MARCOL: variants seen among roughly 807,000 people sequenced by gnomAD.
The protein encoded by MARCOL is MARCO-like protein.
intron 1 of MARCOL, among the ~76,000 whole-genome samples, chr5:148,238,990 G>T (rs1755935161): frequency 6.6e-6 from 1 of 152,048 alleles, no homozygotes. Flanking sequence ...TTTGTGATAT[G>T]ATCCTGGACT....
chr5:148,240,968 C>T (rs1342335213), intron 1 of MARCOL, among the ~76,000 whole-genome samples: 2 of 151,874 alleles, frequency 1.3e-5, no homozygotes, highest in Non-Finnish European at 2.9e-5. Context: ...ACTTATTTGC[C>T]CCACTACTAG....
intron 1 of MARCOL, among the ~76,000 whole-genome samples, chr5:148,241,551 A>G (rs1212243328): frequency 1.3e-5 from 2 of 150,444 alleles, no homozygotes; most frequent in Non-Finnish European, 3.0e-5. Flanking sequence ...AAGGAAAAGA[A>G]GCATAGCCCA....
chr5:148,239,257 T>C (rs936223749), intron 1 of MARCOL, among the ~76,000 whole-genome samples: 8 of 152,002 alleles, frequency 5.3e-5, no homozygotes, highest in Non-Finnish European at 2.9e-5. Flanking sequence ...TTTTCAGATA[T>C]GTAAATTTCT....
chr5:148,241,099 CT>C (rs1755959314), intron 1 of MARCOL, among the ~76,000 whole-genome samples: 1 of 151,646 alleles, frequency 6.6e-6, no homozygotes, highest in African/African-American at 2.4e-5. Context: ...GAATGAATGG[CT>C]AAGTTATACT....
In MARCOL at chr5:148,242,940, C is replaced by T; in HGVS notation, c.544C>T (p.Gln182Ter). Reference sequence around the variant, plus strand: ...ACACGGGAATCTAGGGTCATCAACCCAGAAAGGGAATTTAGGATCTTCTAG... The same window carrying T: ...ACACGGGAATCTAGGGTCATCAACCTAGAAAGGGAATTTAGGATCTTCTAG... ...SQHGNLGSST[Q>*]KGNLGSSSLQ... The change falls in exon 2 of 2, where the codon CAG becomes TAG. Residue 182 changes from glutamine to a stop codon, truncating the protein, a stop_gained. Coordinates refer to ENST00000638089, the MANE Select transcript of MARCOL (RefSeq NM_001363511.2). LOFTEE classifies it low-confidence loss of function (END_TRUNC). The T allele has an allele frequency of 2.5e-6, 1 of 398,896 alleles. No individual in the cohort carries two copies. The highest frequency in any genetic ancestry group is 2.1e-5 in the African/African-American group (1 of 48,646). The allele number at this position is 398,896 out of a possible 1,614,324, so 24.7% of individuals were successfully genotyped here. A position where few individuals can be genotyped will look rare whatever the true frequency, so the allele number is the denominator to read the frequency against.
chr5:148,243,564 C>A lies in MARCOL; in HGVS notation c.*310C>A. On this transcript the variant is annotated 3_prime_UTR_variant, in exon 2 of 2. Transcript: ENST00000638089. Reference sequence around the variant, plus strand: ...GAGAAAATTAAGGTCATTTTACAACCAACGACAAAGAAAAAATATTGACAG... The same window carrying A: ...GAGAAAATTAAGGTCATTTTACAACAAACGACAAAGAAAAAATATTGACAG... 4.7e-5 allele frequency: 13 copies of A among 275,154 alleles called. No homozygotes were observed. Among genetic ancestry groups the A allele is most frequent in the Non-Finnish European group, 6.7e-5 (10 of 148,502 alleles). The allele number at this position is 275,154 out of a possible 1,614,324, so 17.0% of individuals were successfully genotyped here.
At chr5:148,239,858 A>G (rs1319148999) in intron 1 of MARCOL, among the ~76,000 whole-genome samples, 1 of 151,928 alleles carries the variant, frequency 6.6e-6, no homozygotes, top group African/African-American at 2.4e-5. Context: ...AGTGTATTAT[A>G]TATGCAATGA....
intron 1 of MARCOL, among the ~76,000 whole-genome samples, chr5:148,241,336 A>G (rs1007402331): frequency 6.6e-6 from 1 of 151,944 alleles, no homozygotes; most frequent in African/African-American, 2.4e-5. Flanking sequence ...CTAAGTATAC[A>G]TCTGAAATAA....
At chr5:148,238,918 AT>A (rs1351134133) in intron 1 of MARCOL, among the ~76,000 whole-genome samples, 1 of 152,092 alleles carries the variant, frequency 6.6e-6, no homozygotes, top group Non-Finnish European at 1.5e-5. Flanking sequence ...GGAAAGATGA[AT>A]TTAGACTAAG....
At chr5:148,240,198 T>C (rs1385254766) in intron 1 of MARCOL, among the ~76,000 whole-genome samples, 2 of 151,866 alleles carry the variant, frequency 1.3e-5, no homozygotes, top group East Asian at 1.9e-4. Flanking sequence ...ACTGGCTAAA[T>C]AAATTATGAT....
At position 148,243,567 on chromosome 5, in the gene MARCOL, C is replaced by T. The variant is rs774568533; in HGVS notation, c.*313C>T. 347 of 279,084 alleles carry T rather than the reference C, an allele frequency of 1.2e-3. No homozygotes were observed. The highest frequency in any genetic ancestry group is 1.9e-3 in the Non-Finnish European group (281 of 151,132). 17.3% of individuals were successfully genotyped at this position (279,084 alleles called of 1,614,324 possible). The stretch of plus-strand genomic sequence containing the variant: ...AAAATTAAGGTCATTTTACAACCAA[C>T]GACAAAGAAAAAATATTGACAGCAC... On this transcript the variant is annotated 3_prime_UTR_variant, in exon 2 of 2. Transcript: ENST00000638089.
At chr5:148,240,550 G>T (rs1397098669) in intron 1 of MARCOL, among the ~76,000 whole-genome samples, 1 of 151,484 alleles carries the variant, frequency 6.6e-6, no homozygotes, top group Non-Finnish European at 1.5e-5. Flanking sequence ...GGAAAGAAAA[G>T]GAAAGTAATT....
rs1250438387 is a variant in MARCOL at position 148,242,789 on chromosome 5, AC to A, written c.395del (p.Pro132GlnfsTer26). 5.0e-6 allele frequency: 2 copies of A among 398,382 alleles called. No homozygotes were observed. The highest frequency in any genetic ancestry group is 8.8e-6 in the Non-Finnish European group (2 of 226,020). 24.7% of individuals were successfully genotyped at this position (398,382 alleles called of 1,614,324 possible). ...NSGSSSQLGR[P>X]GISTQQGNPG... ...CAGGATCTTCTAGCCAACTAGGGAG[AC>A]CAGGGATTTCTACCCAACAGGGAAA... On this transcript the variant is annotated frameshift_variant, in exon 2 of 2. Coordinates refer to ENST00000638089, the MANE Select transcript of MARCOL (RefSeq NM_001363511.2). LOFTEE classifies it low-confidence loss of function (END_TRUNC).
chr5:148,239,800 A>G (rs1014770283), intron 1 of MARCOL, among the ~76,000 whole-genome samples: 38 of 151,886 alleles, frequency 2.5e-4, no homozygotes, highest in African/African-American at 9.2e-4. Context: ...AACTGTTGTG[A>G]CCTTCAGTGC....
chr5:148,240,875 C>G (rs1432106410), intron 1 of MARCOL, among the ~76,000 whole-genome samples: 1 of 151,870 alleles, frequency 6.6e-6, no homozygotes, highest in East Asian at 1.9e-4. Context: ...ATTCCACACT[C>G]TCTGCTACCT....
chr5:148,241,001 G>A (rs1223421033), intron 1 of MARCOL, among the ~76,000 whole-genome samples: 2 of 151,902 alleles, frequency 1.3e-5, no homozygotes, highest in Non-Finnish European at 2.9e-5. Flanking sequence ...CATGTGAACA[G>A]GGCCGTGAAT....
At chr5:148,241,204 C>A (rs1223765881) in intron 1 of MARCOL, among the ~76,000 whole-genome samples, 1 of 151,758 alleles carries the variant, frequency 6.6e-6, no homozygotes, top group Non-Finnish European at 1.5e-5. Context: ...CAGGAGTATA[C>A]CATAGCATGC....
At position 148,241,438 on chromosome 5, in the gene MARCOL, TAA is replaced by T. The variant is rs1755963966; in HGVS notation, c.50-1007_50-1006del. On this transcript the variant is annotated intron_variant, in intron 1 of 1. Transcript: ENST00000638089. ...AAAATGTAAGCCTAATTAAAATCTT[TAA>T]GAGAACCCCACATTAGGAAAGTGAA... is the stretch of plus-strand genomic sequence containing the variant. Among the ~76,000 whole-genome samples, 3 of 149,064 alleles carry T rather than the reference TAA, an allele frequency of 2.0e-5. No individual in the cohort carries two copies. In the South Asian group the frequency reaches 6.3e-4, roughly 31 times the overall value.
chr5:148,242,891 GGGGAAGCCAGGATCATCTAGCCAACAC>G lies in MARCOL; in HGVS notation c.501_527del (p.Lys167_Gly175del). On this transcript the variant is annotated inframe_deletion, in exon 2 of 2. Coordinates refer to ENST00000638089, the MANE Select transcript of MARCOL (RefSeq NM_001363511.2). ...TGATGGTGGGGTCATCTAGCCAACA[GGGGAAGCCAGGATCATCTAGCCAACAC>G]GGGAATCTAGGGTCATCAACCCAGA... The G allele has an allele frequency of 2.5e-6, 1 of 399,116 alleles. No homozygotes were observed. Among genetic ancestry groups the G allele is most frequent in the East Asian group, 3.6e-5 (1 of 28,066 alleles). 24.7% of individuals were successfully genotyped at this position (399,116 alleles called of 1,614,324 possible).
Sources: gnomAD v4.1 joint callset for allele counts (sites outside exome capture counted in the v4.1 genomes callset) on GRCh38, gnomAD v4.1.1 for gene constraint, MANE v1.5 for transcripts, NCBI Gene and HGNC (gene_info 2026-07-23, HGNC 2026-07-21) for gene names.